Variants in CSMD1 observed in about 807,000 individuals in gnomAD.
CSMD1 encodes CUB and Sushi multiple domains 1.
A neutral mutation model predicts 417.5 loss-of-function variants in CSMD1; 213 were observed. The ratio of observed to expected loss-of-function variants is 0.51; its 90% confidence interval spans 0.46 to 0.57. The LOEUF is 0.57. Ranked by LOEUF, CSMD1 falls within the 20% of genes least tolerant of loss-of-function variation. The probability of loss-of-function intolerance (pLI) is 0.00; values close to 1 mark genes in which losing one functional copy is unlikely to be tolerated. For missense variants in CSMD1, 6,923 were observed against 4,529.7 expected (o/e 1.53, Z -15.17); for synonymous variants, 2,862 against 1,736.8 (o/e 1.65, Z -16.11).
At chr8:3,810,344 T>C (rs1033643363) in intron 5 of CSMD1, among the ~76,000 whole-genome samples, 2 of 152,186 alleles carry the variant, frequency 1.3e-5, no homozygotes, top group Non-Finnish European at 2.9e-5. Context: ...GAAATAGTGC[T>C]TCTCAGTCAC....
intron 1 of CSMD1, chr8:4,787,463 G>A: frequency 1.2e-6 from 1 of 800,122 alleles, no homozygotes; most frequent in Non-Finnish European, 2.2e-6. Flanking sequence ...GAATCACCTG[G>A]AAGGAAAAGC....
At chr8:3,147,790 C>CCTCTG (rs1818930706) in intron 40 of CSMD1, among the ~76,000 whole-genome samples, 1 of 152,188 alleles carries the variant, frequency 6.6e-6, no homozygotes, top group Non-Finnish European at 1.5e-5. Context: ...TTGTTTAACA[C>CCTCTG]AGTTTCCCAA....
chr8:4,695,792 C>A (rs7007873), intron 1 of CSMD1, among the ~76,000 whole-genome samples: 6,823 of 152,180 alleles, frequency 0.045, 170 homozygotes, highest in East Asian at 0.094. Flanking sequence ...TATCATACAG[C>A]CTCTAGAATA....
At chr8:4,373,345 T>A (rs1802514301) in intron 3 of CSMD1, among the ~76,000 whole-genome samples, 1 of 152,300 alleles carries the variant, frequency 6.6e-6, no homozygotes, top group East Asian at 1.9e-4. Flanking sequence ...GATTTTTAGT[T>A]AATAACGTGT....
chr8:3,066,852 T>A (rs1159591013), intron 49 of CSMD1, among the ~76,000 whole-genome samples: 3 of 152,224 alleles, frequency 2.0e-5, no homozygotes, highest in Non-Finnish European at 4.4e-5. Flanking sequence ...ATGCATGGAA[T>A]GAAGTGTCAG....
chr8:3,696,374 C>T (rs1017237059), intron 7 of CSMD1, among the ~76,000 whole-genome samples: 12 of 152,316 alleles, frequency 7.9e-5, no homozygotes, highest in Admixed American at 4.6e-4. Flanking sequence ...TTTGACTTGT[C>T]GTATACTTTC....
intron 9 of CSMD1, among the ~76,000 whole-genome samples, chr8:3,576,745 T>G (rs1396476183): frequency 1.3e-5 from 2 of 152,190 alleles, no homozygotes; most frequent in African/African-American, 4.8e-5. Flanking sequence ...CACTCTCTAA[T>G]GAGTCTGTTT....
intron 3 of CSMD1, among the ~76,000 whole-genome samples, chr8:4,049,922 G>GA (rs1798336269): frequency 6.7e-6 from 1 of 149,602 alleles, no homozygotes; most frequent in Non-Finnish European, 1.5e-5. Flanking sequence ...AATCCATTCG[G>GA]ATACCACACT....
intron 22 of CSMD1, 50 bp downstream of exon 22, chr8:3,347,942 T>A: frequency 7.4e-7 from 1 of 1,354,494 alleles, no homozygotes; most frequent in Non-Finnish European, 1.0e-6. Context: ...GACAATGTAT[T>A]TTTTGAGAAG....
chr8:3,764,372 T>C (rs1798158473), intron 5 of CSMD1, among the ~76,000 whole-genome samples: 1 of 152,126 alleles, frequency 6.6e-6, no homozygotes, highest in Admixed American at 6.6e-5. Flanking sequence ...ATTACATAAC[T>C]CTGATATGAA....
intron 10 of CSMD1, among the ~76,000 whole-genome samples, chr8:3,502,188 C>T (rs6999914): frequency 6.6e-6 from 1 of 151,736 alleles, no homozygotes; most frequent in Non-Finnish European, 1.5e-5. Flanking sequence ...CGTGGTGAAA[C>T]CCCGTCTCTA....
chr8:3,734,591 A>G (rs1012259466), intron 6 of CSMD1, among the ~76,000 whole-genome samples: 1 of 152,246 alleles, frequency 6.6e-6, no homozygotes, highest in Non-Finnish European at 1.5e-5. Context: ...GGCACCTATA[A>G]TCCCAACTAC....
At position 4,851,192 on chromosome 8, in the gene CSMD1, C is replaced by T. The variant is rs528965435; in HGVS notation, c.85+143140G>A. On this transcript the variant is annotated intron_variant, in intron 1 of 69. Transcript: ENST00000635120. ...ATTCCCACCTATGAGTGAAAATATG[C>T]AGTGTTTGGATTTTTGTCCTTGGCA... is the stretch of plus-strand genomic sequence containing the variant. Among the ~76,000 whole-genome samples the T allele has an allele frequency of 6.1e-5, 9 of 146,722 alleles. No individual in the cohort carries two copies. The South Asian group carries it at 6.5e-4, about 11-fold the overall frequency.
chr8:4,668,388 G>T (rs1805072518), intron 1 of CSMD1, among the ~76,000 whole-genome samples: 1 of 150,046 alleles, frequency 6.7e-6, no homozygotes, highest in Non-Finnish European at 1.5e-5. Context: ...GCCACACACA[G>T]CACTCTAACT....
At chr8:3,444,554 T>G (rs1815183782) in intron 12 of CSMD1, among the ~76,000 whole-genome samples, 1 of 152,110 alleles carries the variant, frequency 6.6e-6, no homozygotes, top group Admixed American at 6.5e-5. Context: ...ATTTGCACAC[T>G]GAGGGTGAGG....
At chr8:4,803,410 T>C (rs1161191703) in intron 1 of CSMD1, among the ~76,000 whole-genome samples, 2 of 152,194 alleles carry the variant, frequency 1.3e-5, no homozygotes, top group African/African-American at 2.4e-5. Flanking sequence ...ATACCCAGTC[T>C]AGATTTGTCT....
intron 7 of CSMD1, among the ~76,000 whole-genome samples, chr8:3,620,051 G>A (rs1272357060): frequency 6.6e-6 from 1 of 152,124 alleles, no homozygotes; most frequent in Non-Finnish European, 1.5e-5. Context: ...GCAGTGAGCT[G>A]AGACTGTGCC....
At position 4,040,465 on chromosome 8, in the gene CSMD1, T is replaced by C. The variant is rs182733551; in HGVS notation, c.416-8366A>G. Among the ~76,000 whole-genome samples, 133 of 152,300 alleles carry C rather than the reference T, an allele frequency of 8.7e-4. 2 individuals carry two copies. Among genetic ancestry groups the C allele is most frequent in the African/African-American group, 3.2e-3 (131 of 41,550 alleles). On this transcript the variant is annotated intron_variant, in intron 3 of 69. Coordinates refer to ENST00000635120, the MANE Select transcript of CSMD1 (RefSeq NM_033225.6). ...AGTAGAGCTTGCATATGATGATGGA[T>C]TCAGAATCTCTACTTGCAAGCATGA...
chr8:2,983,086 A>G (rs577246965), intron 54 of CSMD1, among the ~76,000 whole-genome samples: 1 of 152,330 alleles, frequency 6.6e-6, no homozygotes, highest in South Asian at 2.1e-4. Context: ...CTGTTTTTTA[A>G]TTAGATAATG....
Sources: gnomAD v4.1 joint callset for allele counts (sites outside exome capture counted in the v4.1 genomes callset) on GRCh38, gnomAD v4.1.1 for gene constraint, MANE v1.5 for transcripts, NCBI Gene and HGNC (gene_info 2026-07-23, HGNC 2026-07-21) for gene names.